The following WWOX variants were observed in gnomAD, a reference collection of about 807,000 sequenced individuals.
WWOX encodes WW domain-containing oxidoreductase.
WWOX carries 69 observed loss-of-function variants against 46.2 expected under a neutral mutation model. That is an observed-to-expected ratio of 1.49 (90% CI 1.23 to 1.82). WWOX has a LOEUF of 1.82. Ranked by LOEUF, WWOX falls within the 40% of genes most tolerant of loss-of-function variation. WWOX has a pLI of 0.00. For missense variants in WWOX, 919 were observed against 542.6 expected (o/e 1.69, Z -6.89); for synonymous variants, 359 against 202.6 (o/e 1.77, Z -6.56).
intron 8 of WWOX, among the ~76,000 whole-genome samples, chr16:78,824,746 A>G (rs1072247): frequency 0.21 from 31,701 of 151,956 alleles, 3,508 homozygotes; most frequent in Admixed American, 0.29. Context: ...ACCGGCCCAC[A>G]TGATTGAGTT....
intron 8 of WWOX, among the ~76,000 whole-genome samples, chr16:78,542,150 A>G (rs1257434324): frequency 6.7e-6 from 1 of 148,940 alleles, no homozygotes; most frequent in African/African-American, 2.4e-5. Context: ...GACACTAGAC[A>G]TCTCAGGATT....
intron 8 of WWOX, among the ~76,000 whole-genome samples, chr16:78,790,530 G>T (rs932623961): frequency 1.3e-5 from 2 of 152,158 alleles, no homozygotes; most frequent in African/African-American, 4.8e-5. Flanking sequence ...AGCCAAAAGA[G>T]ACCAGTATCT....
intron 8 of WWOX, among the ~76,000 whole-genome samples, chr16:79,114,777 C>T (rs769600602): frequency 3.5e-4 from 54 of 152,280 alleles, no homozygotes; most frequent in Non-Finnish European, 5.6e-4. Flanking sequence ...GCCAAGTAAA[C>T]CAGCTGCCCC....
At chr16:78,175,265 G>A (rs1056601775) in intron 5 of WWOX, among the ~76,000 whole-genome samples, 3 of 152,056 alleles carry the variant, frequency 2.0e-5, no homozygotes, top group South Asian at 2.1e-4. Context: ...ACCCTTAGGT[G>A]GAAGATGCAG....
intron 8 of WWOX, among the ~76,000 whole-genome samples, chr16:79,160,827 C>G (rs763505443): frequency 3.9e-5 from 6 of 152,092 alleles, no homozygotes; most frequent in Admixed American, 6.5e-5. Flanking sequence ...TATATGTAGA[C>G]ATGTATAGAT....
At chr16:78,693,568 G>A (rs1250388181) in intron 8 of WWOX, among the ~76,000 whole-genome samples, 2 of 152,124 alleles carry the variant, frequency 1.3e-5, no homozygotes, top group African/African-American at 4.8e-5. Context: ...AGTATTTCAG[G>A]TGGGGGGCCC....
intron 6 of WWOX, among the ~76,000 whole-genome samples, chr16:78,399,372 C>A (rs997165499): frequency 2.6e-5 from 4 of 152,272 alleles, no homozygotes; most frequent in Admixed American, 6.5e-5. Flanking sequence ...ATCGTAGTTA[C>A]AACAATAGTT....
intron 8 of WWOX, among the ~76,000 whole-genome samples, chr16:78,556,775 G>T (rs189624805): frequency 6.6e-6 from 1 of 152,054 alleles, no homozygotes; most frequent in Admixed American, 6.6e-5. Flanking sequence ...GAGTGAAGTG[G>T]CATGATCTCG....
intron 5 of WWOX, among the ~76,000 whole-genome samples, chr16:78,204,582 T>C (rs1257055851): frequency 6.6e-6 from 1 of 152,134 alleles, no homozygotes; most frequent in Non-Finnish European, 1.5e-5. Flanking sequence ...CAGCTTCTGG[T>C]AACCATTTTT....
At chr16:78,363,713 C>G (rs190753992) in intron 5 of WWOX, among the ~76,000 whole-genome samples, 71 of 152,312 alleles carry the variant, frequency 4.7e-4, no homozygotes, top group African/African-American at 1.6e-3. Flanking sequence ...TTTGCCAACC[C>G]TCAACCTGTT....
At chr16:78,336,963 T>A (rs2080905761) in intron 5 of WWOX, among the ~76,000 whole-genome samples, 1 of 152,024 alleles carries the variant, frequency 6.6e-6, no homozygotes, top group Non-Finnish European at 1.5e-5. Context: ...TATTTTTTAG[T>A]ACAGACGGGG....
At chr16:78,180,629 C>T (rs976546899) in intron 5 of WWOX, among the ~76,000 whole-genome samples, 17 of 151,136 alleles carry the variant, frequency 1.1e-4, no homozygotes, top group Non-Finnish European at 1.6e-4. Flanking sequence ...GCAGTTGGGG[C>T]ATATGTTAGG....
At chr16:78,335,359 T>C (rs113282899) in intron 5 of WWOX, among the ~76,000 whole-genome samples, 5,925 of 152,276 alleles carry the variant, frequency 0.039, 362 homozygotes, top group African/African-American at 0.13. Context: ...CTCCCACTTA[T>C]AAACGAGAGC....
chr16:78,531,488 A>G (rs1196671731), intron 8 of WWOX, among the ~76,000 whole-genome samples: 1 of 152,028 alleles, frequency 6.6e-6, no homozygotes, highest in African/African-American at 2.4e-5. Context: ...TATCTTTTGT[A>G]TTTTGCTACC....
chr16:78,586,922 C>T (rs2045222092), intron 8 of WWOX, among the ~76,000 whole-genome samples: 1 of 152,178 alleles, frequency 6.6e-6, no homozygotes, highest in Admixed American at 6.5e-5. Flanking sequence ...AATCCCTTCT[C>T]CCACTTTTCT....
At chr16:78,470,882 A>C (rs780809567) in intron 8 of WWOX, among the ~76,000 whole-genome samples, 5 of 152,002 alleles carry the variant, frequency 3.3e-5, no homozygotes, top group Non-Finnish European at 7.4e-5. Flanking sequence ...CCTACCTTCT[A>C]CTCTACAGGC....
chr16:78,233,260 G>A (rs2037327202), intron 5 of WWOX, among the ~76,000 whole-genome samples: 2 of 152,066 alleles, frequency 1.3e-5, no homozygotes, highest in Admixed American at 1.3e-4. Context: ...TCTGTTCAAG[G>A]TATGCCTTTT....
chr16:78,851,688 G>A (rs1194270275), intron 8 of WWOX, among the ~76,000 whole-genome samples: 1 of 152,168 alleles, frequency 6.6e-6, no homozygotes, highest in Non-Finnish European at 1.5e-5. Flanking sequence ...CAAAATACAA[G>A]GTGACTCCAA....
At chr16:78,892,556 G>A (rs950839907) in intron 8 of WWOX, among the ~76,000 whole-genome samples, 4 of 152,194 alleles carry the variant, frequency 2.6e-5, no homozygotes, top group Admixed American at 6.5e-5. Flanking sequence ...TGTTCAGAGC[G>A]TTCTTCCTCC....
Sources: allele counts gnomAD v4.1 joint callset (sites outside exome capture counted in the v4.1 genomes callset), GRCh38; gene constraint gnomAD v4.1.1; transcripts MANE v1.5; gene names NCBI Gene and HGNC (gene_info 2026-07-23, HGNC 2026-07-21).